ITGAV: variants seen among roughly 807,000 people sequenced by gnomAD.
ITGAV encodes the protein integrin subunit alpha V.
In ITGAV, 76 loss-of-function variants were observed where a neutral mutation model predicts 143.8. The ratio of observed to expected loss-of-function variants is 0.53; its 90% confidence interval spans 0.44 to 0.64. The LOEUF (loss-of-function observed/expected upper bound fraction) is 0.64, where lower values mean the gene tolerates loss of function less well. Among genes scored for constraint, ITGAV ranks in the 30% least tolerant of loss-of-function variants. The probability of loss-of-function intolerance (pLI) is 0.00; values close to 1 mark genes in which losing one functional copy is unlikely to be tolerated. For missense variants in ITGAV, 1,193 were observed against 1,274.7 expected, an observed-to-expected ratio of 0.94 and a Z score of 0.98; for synonymous variants, 453 against 446.7, an observed-to-expected ratio of 1.01 and a Z score of -0.18.
intron 13 of ITGAV, among the ~76,000 whole-genome samples, chr2:186,649,452 A>G (rs2105723355): frequency 6.6e-6 from 1 of 152,170 alleles, no homozygotes; most frequent in South Asian, 2.1e-4. Context: ...TATTTTATAT[A>G]TATACACACA....
At chr2:186,661,747 C>A (rs1424553866) in intron 18 of ITGAV, among the ~76,000 whole-genome samples, 1 of 151,958 alleles carries the variant, frequency 6.6e-6, no homozygotes, top group African/African-American at 2.4e-5. Context: ...CAGGAACCCA[C>A]CACCACGCCC....
At chr2:186,676,439 G>A (rs762700790) in intron 28 of ITGAV, among the ~76,000 whole-genome samples, 2 of 151,982 alleles carry the variant, frequency 1.3e-5, no homozygotes, top group Non-Finnish European at 2.9e-5. Context: ...CCTTCTCTAC[G>A]AAAAATACAG....
intron 4 of ITGAV, among the ~76,000 whole-genome samples, chr2:186,630,451 T>C (rs1316776061): frequency 6.6e-6 from 1 of 152,070 alleles, no homozygotes; most frequent in African/African-American, 2.4e-5. Flanking sequence ...TTTTAAGTTG[T>C]ATCTATATAT....
chr2:186,669,645 A>T (rs1689008762), intron 25 of ITGAV, 56 bp from the exon 26 acceptor site: 2 of 1,170,362 alleles, frequency 1.7e-6, no homozygotes, highest in East Asian at 4.7e-5. Flanking sequence ...CAAAATGCTG[A>T]TGTAAAATGT....
At chr2:186,612,172 C>A (rs1687234143) in intron 2 of ITGAV, among the ~76,000 whole-genome samples, 1 of 152,084 alleles carries the variant, frequency 6.6e-6, no homozygotes, top group South Asian at 2.1e-4. Flanking sequence ...TGAGAAAATC[C>A]TCTTCTTATA....
chr2:186,678,816 A>G lies in ITGAV; in HGVS notation c.*1524A>G. 1 of 430,062 alleles carries G rather than the reference A, an allele frequency of 2.3e-6. No individual in the cohort carries two copies. Among genetic ancestry groups the G allele is most frequent in the Middle Eastern group, 3.6e-4 (1 of 2,760 alleles). 26.6% of individuals were successfully genotyped at this position (430,062 alleles called of 1,614,324 possible). A position where few individuals can be genotyped will look rare whatever the true frequency, so the allele number is the denominator to read the frequency against. Reference sequence around the variant, plus strand: ...CTGTCCTCATTAGGTAATGATAAATATTTCCCTTAAATAATTGACTATTTT... The same window carrying G: ...CTGTCCTCATTAGGTAATGATAAATGTTTCCCTTAAATAATTGACTATTTT... On this transcript the variant is annotated 3_prime_UTR_variant, in exon 30 of 30. Transcript: ENST00000261023.
chr2:186,652,034 T>G lies in ITGAV; in HGVS notation c.1450T>G (p.Leu484Val). The G allele has an allele frequency of 6.2e-7, 1 of 1,613,918 alleles. No homozygotes were observed. The highest frequency in any genetic ancestry group is 2.2e-5 in the East Asian group (1 of 44,868). Residue 484 changes from leucine (L) to valine (V), a missense_variant, in exon 15 of 30, where the codon TTA (leucine) becomes GTA (valine). Coordinates refer to ENST00000261023, the MANE Select transcript of ITGAV (RefSeq NM_002210.5). ...NAGLEVYPSI[L>V]NQDNKTCSLP... ...TGGTCTTGAAGTGTACCCTAGCATTTTAAATCAAGACAATAAAACCTGCTC... is the reference window on the plus strand; with the variant it reads ...TGGTCTTGAAGTGTACCCTAGCATTGTAAATCAAGACAATAAAACCTGCTC...
At chr2:186,611,542 A>G (rs1687217390) in intron 2 of ITGAV, among the ~76,000 whole-genome samples, 1 of 152,168 alleles carries the variant, frequency 6.6e-6, no homozygotes, top group Non-Finnish European at 1.5e-5. Flanking sequence ...ACTGCAAGCT[A>G]TGCTGAGGCA....
chr2:186,662,770 A>G (rs987102778), intron 18 of ITGAV, among the ~76,000 whole-genome samples: 2 of 152,192 alleles, frequency 1.3e-5, no homozygotes, highest in South Asian at 4.1e-4. Flanking sequence ...TATTTTAAAT[A>G]TTGTTAAGGG....
At chr2:186,634,106 A>G (rs1687891928) in intron 6 of ITGAV, among the ~76,000 whole-genome samples, 1 of 152,182 alleles carries the variant, frequency 6.6e-6, no homozygotes, top group South Asian at 2.1e-4. Flanking sequence ...ATTGATATAA[A>G]GATGCATTAT....
chr2:186,661,711 C>T (rs1332590615), intron 18 of ITGAV, among the ~76,000 whole-genome samples: 2 of 151,730 alleles, frequency 1.3e-5, no homozygotes, highest in Admixed American at 1.3e-4. Context: ...ATTACCCTGC[C>T]TCAGCCTCCT....
intron 2 of ITGAV, among the ~76,000 whole-genome samples, chr2:186,606,191 C>T (rs1261332437): frequency 2.0e-5 from 3 of 152,150 alleles, no homozygotes; most frequent in East Asian, 3.8e-4. Context: ...CTCTTCATCC[C>T]ATCTTAGCCC....
chr2:186,669,645 A>G, intron 25 of ITGAV, 56 bp from the exon 26 acceptor site: 1 of 1,170,362 alleles, frequency 8.5e-7, no homozygotes, highest in Non-Finnish European at 1.3e-6. Context: ...CAAAATGCTG[A>G]TGTAAAATGT....
At chr2:186,609,488 G>A (rs1687156757) in intron 2 of ITGAV, among the ~76,000 whole-genome samples, 2 of 152,022 alleles carry the variant, frequency 1.3e-5, no homozygotes, top group Admixed American at 1.3e-4. Context: ...TTGAGTTGGG[G>A]GTAAGAGAGA....
chr2:186,641,214 A>G, intron 11 of ITGAV, 172 bp from the exon 12 acceptor site: 1 of 624,108 alleles, frequency 1.6e-6, no homozygotes. Context: ...TAGTTTCTTA[A>G]AAGAATTAAA....
chr2:186,620,823 A>G (rs1163899909), intron 2 of ITGAV, among the ~76,000 whole-genome samples: 2 of 152,218 alleles, frequency 1.3e-5, no homozygotes, highest in Non-Finnish European at 2.9e-5. Flanking sequence ...GGGATACTAC[A>G]CAACAATGAA....
At chr2:186,671,707 A>G (rs1304141865) in intron 26 of ITGAV, among the ~76,000 whole-genome samples, 1 of 152,134 alleles carries the variant, frequency 6.6e-6, no homozygotes, top group Non-Finnish European at 1.5e-5. Flanking sequence ...TTGAACCACC[A>G]TTACCACTAT....
At chr2:186,634,232 C>T (rs1687894798) in intron 6 of ITGAV, among the ~76,000 whole-genome samples, 1 of 151,926 alleles carries the variant, frequency 6.6e-6, no homozygotes, top group Non-Finnish European at 1.5e-5. Flanking sequence ...CTTTATGTTT[C>T]TTTATGTATC....
chr2:186,594,911 T>C (rs1686706026), intron 1 of ITGAV, among the ~76,000 whole-genome samples: 1 of 152,216 alleles, frequency 6.6e-6, no homozygotes, highest in East Asian at 1.9e-4. Flanking sequence ...AATTTTGTTA[T>C]TTAGAAAGCA....
Sources: allele counts gnomAD v4.1 joint callset (sites outside exome capture counted in the v4.1 genomes callset), GRCh38; gene constraint gnomAD v4.1.1; transcripts MANE v1.5; gene names NCBI Gene and HGNC (gene_info 2026-07-23, HGNC 2026-07-21).